The following SLC30A10 variants were observed in gnomAD, a reference collection of about 807,000 sequenced individuals.
SLC30A10 encodes solute carrier family 30 member 10, also known as calcium/manganese antiporter SLC30A10.
SLC30A10 carries 8 observed loss-of-function variants against 21.7 expected under a neutral mutation model. That is an observed-to-expected ratio of 0.37 (90% CI 0.22 to 0.67). SLC30A10 has a LOEUF of 0.67. SLC30A10 is among the 30% of genes least tolerant of loss of function. The pLI is 0.58. For synonymous variants in SLC30A10, 272 were observed against 279.4 expected (o/e 0.97, Z 0.26); for missense variants, 521 against 642.5 (o/e 0.81, Z 2.04).
Position 219,928,327 on chromosome 1 carries a change from G to A in SLC30A10, c.114C>T (p.Leu38=). The change falls in exon 1 of 4, where the codon CTC becomes CTT. Residue 38 remains leucine (L), a synonymous_variant. Coordinates refer to ENST00000366926, the MANE Select transcript of SLC30A10 (RefSeq NM_018713.3). The surrounding 1 kb of genome is among the most constrained non-coding windows in gnomAD (Gnocchi z 6.3). ...SGYLGNSIAL[L]SDSFNMLSDL... ...CGGAGAGCATGTTGAAGGAGTCGGA[G>A]AGCAGCGCGATGGAGTTGCCCAGGT... 4 of 1,612,532 alleles carry A rather than the reference G, an allele frequency of 2.5e-6. 1 individual carries two copies. In the Middle Eastern group the frequency reaches 6.6e-4, roughly 266 times the overall value.
chr1:219,920,991 A>C (rs1257289569), intron 2 of SLC30A10, among the ~76,000 whole-genome samples: 1 of 152,194 alleles, frequency 6.6e-6, no homozygotes, highest in Non-Finnish European at 1.5e-5. Context: ...ACAGTCCCTT[A>C]ATATGGAATG....
chr1:219,928,394 A>G lies in SLC30A10; in HGVS notation c.47T>C (p.Val16Ala). The G allele has an allele frequency of 6.2e-7, 1 of 1,613,408 alleles. No homozygotes were observed. Among genetic ancestry groups the G allele is most frequent in the Non-Finnish European group, 8.5e-7 (1 of 1,179,684 alleles). Residue 16 changes from valine (V) to alanine (A), a missense_variant, in exon 1 of 4, where the codon GTG becomes GCG. By Grantham distance (64) the Val-to-Ala change is moderately conservative (BLOSUM62 0). Coordinates refer to ENST00000366926, the MANE Select transcript of SLC30A10 (RefSeq NM_018713.3). The surrounding 1 kb of genome is among the most constrained non-coding windows in gnomAD (Gnocchi z 6.3). Reference sequence around the variant, plus strand: ...CGCCACGAAGAAGGCGACGGTGAGCACCAGCATGAAGAGCAGCCGGCACGT... The same window carrying G: ...CGCCACGAAGAAGGCGACGGTGAGCGCCAGCATGAAGAGCAGCCGGCACGT... ...GKTCRLLFMLVLTVAFFVAEL... is the reference protein window; with the variant it reads ...GKTCRLLFMLALTVAFFVAEL...
intron 2 of SLC30A10, among the ~76,000 whole-genome samples, chr1:219,926,457 T>C (rs1005066203): frequency 1.3e-5 from 2 of 150,590 alleles, no homozygotes; most frequent in African/African-American, 5.0e-5. Flanking sequence ...AGCCCTGGGC[T>C]GACCTTAGTC....
intron 1 of SLC30A10, among the ~76,000 whole-genome samples, chr1:219,955,088 C>G (rs183113539): frequency 1.3e-5 from 2 of 152,104 alleles, no homozygotes; most frequent in Admixed American, 1.3e-4. Flanking sequence ...AACGTATAAA[C>G]GTTAACAAAA....
Position 219,915,867 on chromosome 1 carries a change from G to A in SLC30A10, c.1040C>T (p.Ala347Val), listed in dbSNP as rs1659528560. The A allele has an allele frequency of 6.2e-7, 1 of 1,614,042 alleles. No homozygotes were observed. Among genetic ancestry groups the A allele is most frequent in the African/African-American group, 1.3e-5 (1 of 74,918 alleles). ...CTTAGGATACTTGATGTGCAGGGTG[G>A]CAATAATCTTTCCACTTACAAGTTC... ...IWELVSGKII[A>V]TLHIKYPKDR... The change falls in exon 4 of 4, where the codon GCC becomes GTC. Residue 347 changes from alanine to valine, a missense_variant. By Grantham distance (64) the Ala-to-Val change is moderately conservative. Coordinates refer to ENST00000366926, the MANE Select transcript of SLC30A10 (RefSeq NM_018713.3).
intron 2 of SLC30A10, among the ~76,000 whole-genome samples, chr1:219,920,977 T>C (rs1203752121): frequency 6.6e-6 from 1 of 152,204 alleles, no homozygotes; most frequent in African/African-American, 2.4e-5. Flanking sequence ...ACATCATGGC[T>C]ATCACAGTCC....
upstream of SLC30A10, among the ~76,000 whole-genome samples, chr1:219,933,307 G>C (rs1659996302): frequency 6.6e-6 from 1 of 152,168 alleles, no homozygotes; most frequent in Non-Finnish European, 1.5e-5. Flanking sequence ...GAAGTGTTAG[G>C]AGCACGAGCA....
chr1:219,953,166 G>T (rs1660292543), intron 1 of SLC30A10, among the ~76,000 whole-genome samples: 1 of 152,278 alleles, frequency 6.6e-6, no homozygotes, highest in East Asian at 1.9e-4. Context: ...AAGTAAAGCT[G>T]GTGGGAATTA....
intron 1 of SLC30A10, among the ~76,000 whole-genome samples, chr1:219,944,818 T>TA (rs1660166658): frequency 6.6e-6 from 1 of 151,778 alleles, no homozygotes; most frequent in African/African-American, 2.4e-5. Context: ...AATAGAGAAA[T>TA]AAAAAATAGA....
chr1:219,922,795 A>G (rs1184069023), intron 2 of SLC30A10, among the ~76,000 whole-genome samples: 1 of 152,206 alleles, frequency 6.6e-6, no homozygotes, highest in Non-Finnish European at 1.5e-5. Context: ...CCTCTGTGCT[A>G]TTCTAACCAC....
intron 1 of SLC30A10, among the ~76,000 whole-genome samples, chr1:219,955,045 G>T (rs1212314984): frequency 6.6e-6 from 1 of 152,054 alleles, no homozygotes; most frequent in Non-Finnish European, 1.5e-5. Flanking sequence ...AGAAAATCAA[G>T]GAAAATCAAA....
At chr1:219,956,064 A>G (rs1012975390) in intron 1 of SLC30A10, among the ~76,000 whole-genome samples, 1 of 152,230 alleles carries the variant, frequency 6.6e-6, no homozygotes. Context: ...ACCAAAATGT[A>G]TGGTTCAGAA....
chr1:219,936,516 A>G (rs1031555727), intron 1 of SLC30A10, among the ~76,000 whole-genome samples: 1 of 152,120 alleles, frequency 6.6e-6, no homozygotes, highest in Non-Finnish European at 1.5e-5. Context: ...TACACCAATC[A>G]CAGTCCCTCA....
upstream of SLC30A10, among the ~76,000 whole-genome samples, chr1:219,930,848 G>C (rs1297167628): frequency 1.3e-5 from 2 of 152,170 alleles, no homozygotes; most frequent in African/African-American, 2.4e-5. Context: ...TGTGTAAAAT[G>C]CTTAAAATAG....
chr1:219,927,177 A>G, intron 1 of SLC30A10, 72 bp from the exon 2 acceptor site: 1 of 1,512,712 alleles, frequency 6.6e-7, no homozygotes, highest in Non-Finnish European at 9.2e-7. Context: ...AATGGACTCA[A>G]AATAAAGTTT....
At chr1:219,921,562 G>C (rs932826223) in intron 2 of SLC30A10, among the ~76,000 whole-genome samples, 15 of 152,074 alleles carry the variant, frequency 9.9e-5, no homozygotes, top group African/African-American at 3.4e-4. Context: ...TAAGAATTAT[G>C]TTTTGCATCC....
chr1:219,917,779 C>T (rs1659580668), intron 3 of SLC30A10, among the ~76,000 whole-genome samples: 1 of 139,318 alleles, frequency 7.2e-6, no homozygotes, highest in Admixed American at 7.7e-5. Flanking sequence ...GGTGCAATCT[C>T]AGCTCCCTGC....
chr1:219,933,919 G>A (rs1044093362), intron 1 of SLC30A10, among the ~76,000 whole-genome samples: 3 of 152,168 alleles, frequency 2.0e-5, no homozygotes, highest in Admixed American at 6.5e-5. Context: ...TTGTGGGGCC[G>A]AGGTGGGCGG....
chr1:219,941,342 A>C (rs1452165566), intron 1 of SLC30A10, among the ~76,000 whole-genome samples: 2 of 152,224 alleles, frequency 1.3e-5, no homozygotes, highest in Non-Finnish European at 1.5e-5. Context: ...ATGAGGGAGC[A>C]GCAGGATTAG....
Sources: allele counts gnomAD v4.1 joint callset (sites outside exome capture counted in the v4.1 genomes callset), GRCh38; gene constraint gnomAD v4.1.1; non-coding constraint Gnocchi (gnomAD v3.1); transcripts MANE v1.5; gene names NCBI Gene and HGNC (gene_info 2026-07-23, HGNC 2026-07-21).